The following COX6B1 variants were observed in gnomAD, a reference collection of about 807,000 sequenced individuals.
COX6B1 encodes the protein cytochrome c oxidase subunit 6B1, also known as COX VIb-1.
Under a neutral mutation model 14.0 loss-of-function variants are expected in COX6B1, and 2 were observed. The observed-to-expected ratio is 0.14, with a 90% CI of 0.06 to 0.45. COX6B1 has a LOEUF of 0.45. COX6B1 is among the 20% of genes least tolerant of loss of function. The pLI, the probability that COX6B1 is intolerant of heterozygous loss-of-function variation, is 0.98. For synonymous variants in COX6B1, 30 were observed against 39.7 expected (o/e 0.76, Z 0.92); for missense variants, 81 against 114.2 (o/e 0.71, Z 1.33).
intron 1 of COX6B1, chr19:35,648,843 T>A (rs775032677): frequency 2.6e-5 from 14 of 533,280 alleles, no homozygotes; most frequent in South Asian, 2.0e-4. Context: ...CTTTTGGACG[T>A]TGGAGGGGCC....
chr19:35,654,774 A>G (rs984263545), intron 3 of COX6B1, 103 bp downstream of exon 3: 6 of 950,820 alleles, frequency 6.3e-6, no homozygotes, highest in African/African-American at 3.2e-5. Context: ...CAGAGGGAGG[A>G]CAGGGCACCA....
intron 1 of COX6B1, among the ~76,000 whole-genome samples, chr19:35,649,592 C>T (rs1269738140): frequency 6.6e-6 from 1 of 151,842 alleles, no homozygotes; most frequent in Non-Finnish European, 1.5e-5. Flanking sequence ...GATTCTCCTG[C>T]CCCAGCCTCC....
At chr19:35,648,779 T>C in intron 1 of COX6B1, 1 of 521,088 alleles carries the variant, frequency 1.9e-6, no homozygotes, top group Admixed American at 2.0e-5. Flanking sequence ...AGGCGTGGCC[T>C]CTCGCGGCTT....
At chr19:35,658,524 A>C in intron 3 of COX6B1, 70 bp from the exon 4 acceptor site, 1 of 1,408,596 alleles carries the variant, frequency 7.1e-7, no homozygotes, top group Non-Finnish European at 1.0e-6. Flanking sequence ...AGGTGGGCAA[A>C]GTGAGGAAGA....
intron 3 of COX6B1, among the ~76,000 whole-genome samples, chr19:35,656,196 A>G (rs1458739554): frequency 6.6e-6 from 1 of 152,212 alleles, no homozygotes. Flanking sequence ...TGCTACAAAA[A>G]TCTTCATGTA....
intron 3 of COX6B1, among the ~76,000 whole-genome samples, chr19:35,656,421 G>A (rs2146373443): frequency 6.7e-6 from 1 of 149,752 alleles, no homozygotes; most frequent in South Asian, 2.1e-4. Flanking sequence ...GTATGTGTAT[G>A]TAAATAAAGT....
chr19:35,654,791 C>A, intron 3 of COX6B1, 120 bp downstream of exon 3: 1 of 819,728 alleles, frequency 1.2e-6, no homozygotes, highest in South Asian at 1.6e-5. Flanking sequence ...ACCACACTGT[C>A]CCAGGACTCA....
intron 1 of COX6B1, among the ~76,000 whole-genome samples, chr19:35,649,075 C>T (rs938096282): frequency 1.3e-5 from 2 of 152,094 alleles, no homozygotes; most frequent in African/African-American, 4.8e-5. Context: ...CCTAGGATTC[C>T]CTGGAATATA....
rs1657411174 is a variant in COX6B1 at position 35,648,416 on chromosome 19, G to A, written c.-12+13G>A. On this transcript the variant is annotated intron_variant, in intron 1 of 3. Coordinates refer to ENST00000649813, the MANE Select transcript of COX6B1 (RefSeq NM_001863.5). ...GGGGTGCCTTTAGGTGAGTGTGGAGGGTTCTGTAACCTGGGACCCCAGTCT... is the reference window on the plus strand; with the variant it reads ...GGGGTGCCTTTAGGTGAGTGTGGAGAGTTCTGTAACCTGGGACCCCAGTCT... The A allele has an allele frequency of 2.7e-5, 5 of 188,182 alleles. 1 individual carries two copies. The South Asian group carries it at 3.8e-4, about 14-fold the overall frequency. 11.7% of individuals were successfully genotyped at this position (188,182 alleles called of 1,614,324 possible). A position where few individuals can be genotyped will look rare whatever the true frequency, so the allele number is the denominator to read the frequency against.
chr19:35,648,938 C>G (rs756435474), intron 1 of COX6B1: 6 of 533,246 alleles, frequency 1.1e-5, no homozygotes, highest in Non-Finnish European at 1.9e-5. Flanking sequence ...CGTCTGTGCC[C>G]CAGCAGCTGG....
At chr19:35,654,448 C>T (rs1185287488) in intron 2 of COX6B1, 123 bp from the exon 3 acceptor site, 2 of 788,426 alleles carry the variant, frequency 2.5e-6, no homozygotes, top group Non-Finnish European at 4.5e-6. Flanking sequence ...GTAGAGGTTG[C>T]AGTGAGCTGA....
chr19:35,658,777 A>G lies in COX6B1; in HGVS notation c.*130A>G. 1.2e-6 allele frequency: 1 copy of G among 853,076 alleles called. No homozygotes were observed. The highest frequency in any genetic ancestry group is 2.6e-5 in the East Asian group (1 of 38,092). The allele number at this position is 853,076 out of a possible 1,614,324, so 52.8% of individuals were successfully genotyped here. A position where few individuals can be genotyped will look rare whatever the true frequency, so the allele number is the denominator to read the frequency against. ...ACCTGCTAATAAAAACTCATTGGAA[A>G]AGTGAGACTATGCGTGTGAACGGGC... On this transcript the variant is annotated 3_prime_UTR_variant, in exon 4 of 4. Coordinates refer to ENST00000649813, the MANE Select transcript of COX6B1 (RefSeq NM_001863.5).
At chr19:35,656,479 CT>C (rs371195079) in intron 3 of COX6B1, among the ~76,000 whole-genome samples, 28,914 of 122,342 alleles carry the variant, frequency 0.24, 2,981 homozygotes, top group African/African-American at 0.37. Flanking sequence ...GTTGTTAGAC[CT>C]TTTTTTTTTT....
chr19:35,651,310 A>G lies in COX6B1; in HGVS notation c.67A>G (p.Asn23Asp). 1.2e-6 allele frequency: 2 copies of G among 1,614,044 alleles called. No individual in the cohort carries two copies. The highest frequency in any genetic ancestry group is 8.5e-7 in the Non-Finnish European group (1 of 1,179,966). ...KTAPFDSRFP[N>D]QNQTRNCWQN... Reference sequence around the variant, plus strand: ...CGCCCCTTTTGACAGCCGCTTCCCCAACCAGAACCAGACTAGAAACTGCTG... The same window carrying G: ...CGCCCCTTTTGACAGCCGCTTCCCCGACCAGAACCAGACTAGAAACTGCTG... Residue 23 changes from asparagine to aspartate, a missense_variant, in exon 2 of 4, where the codon AAC becomes GAC. Physicochemically the swap from Asn to Asp is conservative, Grantham distance 23. Transcript: ENST00000649813.
chr19:35,651,417 A>T, intron 2 of COX6B1, 68 bp downstream of exon 2: 1 of 1,186,594 alleles, frequency 8.4e-7, no homozygotes, highest in Non-Finnish European at 1.2e-6. Context: ...TAGGGGACCC[A>T]TCCACCCCAG....
At chr19:35,654,883 G>A (rs868848254) in intron 3 of COX6B1, among the ~76,000 whole-genome samples, 8 of 152,118 alleles carry the variant, frequency 5.3e-5, no homozygotes, top group Admixed American at 4.6e-4. Context: ...CAGCTGAGGC[G>A]ACCAGGGTGC....
At chr19:35,658,154 T>G (rs1967907971) in intron 3 of COX6B1, among the ~76,000 whole-genome samples, 1 of 152,194 alleles carries the variant, frequency 6.6e-6, no homozygotes, top group African/African-American at 2.4e-5. Flanking sequence ...GTGTATTGTT[T>G]GGCACCTTTT....
At chr19:35,657,274 T>G (rs1967897404) in intron 3 of COX6B1, among the ~76,000 whole-genome samples, 2 of 151,836 alleles carry the variant, frequency 1.3e-5, no homozygotes, top group African/African-American at 4.8e-5. Flanking sequence ...ATAAGGATCA[T>G]GCAGCCTAGA....
chr19:35,652,044 T>C (rs937592666), intron 2 of COX6B1, among the ~76,000 whole-genome samples: 6 of 151,960 alleles, frequency 3.9e-5, no homozygotes, highest in African/African-American at 1.5e-4. Context: ...TTTTTTTTTT[T>C]TTGAGATGGA....
Sources: gnomAD v4.1 joint callset for allele counts (sites outside exome capture counted in the v4.1 genomes callset) on GRCh38, gnomAD v4.1.1 for gene constraint, MANE v1.5 for transcripts, NCBI Gene and HGNC (gene_info 2026-07-23, HGNC 2026-07-21) for gene names.